PRORP: variants seen among roughly 807,000 people sequenced by gnomAD.
PRORP encodes the protein mitochondrial ribonuclease P catalytic subunit.
Under a neutral mutation model 59.4 loss-of-function variants are expected in PRORP, and 51 were observed. The ratio of observed to expected loss-of-function variants is 0.86; its 90% CI spans 0.69 to 1.08. PRORP has a LOEUF of 1.08. Among genes scored for constraint, PRORP ranks in the 50% least tolerant of loss-of-function variants. The pLI is 0.00. For missense variants in PRORP, 646 were observed against 690.3 expected (o/e 0.94, Z 0.72); for synonymous variants, 231 against 245.6 (o/e 0.94, Z 0.55).
chr14:35,168,165 T>C (rs1271148615), intron 4 of PRORP, among the ~76,000 whole-genome samples: 2 of 152,228 alleles, frequency 1.3e-5, no homozygotes, highest in East Asian at 3.8e-4. Flanking sequence ...GATAAATATA[T>C]GTTTAACTTT....
intron 5 of PRORP, among the ~76,000 whole-genome samples, chr14:35,259,996 T>TG (rs1416776584): frequency 3.6e-5 from 5 of 140,692 alleles, no homozygotes; most frequent in African/African-American, 1.4e-4. Context: ...TTTTCGGGTT[T>TG]TTTTTTTTTT....
upstream of PRORP, chr14:35,122,228 G>A (rs760036706): frequency 1.5e-5 from 7 of 470,078 alleles, no homozygotes; most frequent in Non-Finnish European, 2.4e-5. Context: ...TCACCAAGCC[G>A]GATTTTAAAG....
At chr14:35,269,621 C>T (rs1016433866) in intron 6 of PRORP, among the ~76,000 whole-genome samples, 3 of 152,158 alleles carry the variant, frequency 2.0e-5, no homozygotes, top group African/African-American at 4.8e-5. Flanking sequence ...TTCCATAAAC[C>T]GAATACATTT....
At chr14:35,265,033 C>T (rs541376912) in intron 5 of PRORP, among the ~76,000 whole-genome samples, 4 of 152,030 alleles carry the variant, frequency 2.6e-5, no homozygotes, top group Admixed American at 6.5e-5. Flanking sequence ...ATTCAGCCCT[C>T]GATAATTCAT....
At chr14:35,270,286 T>C in intron 6 of PRORP, 115 bp from the exon 7 acceptor site, 2 of 919,070 alleles carry the variant, frequency 2.2e-6, no homozygotes, top group Non-Finnish European at 3.4e-6. Flanking sequence ...TAGCATCATG[T>C]TGGTCAAGAA....
rs765109498 is a variant in PRORP, at chr14:35,123,480, T to G, written c.235T>G (p.Tyr79Asp). The change falls in exon 2 of 8, where the codon TAT (tyrosine) becomes GAT (aspartate). Residue 79 changes from tyrosine (Y) to aspartate (D), a missense_variant. Tyr to Asp is a radical substitution (Grantham distance 160). Coordinates refer to ENST00000534898, the MANE Select transcript of PRORP (RefSeq NM_014672.4). Reference protein sequence around the residue: ...RKDEGSNKQVYSVPHFFLAGA... With the variant: ...RKDEGSNKQVDSVPHFFLAGA... ...AGATGAGGGCAGTAATAAGCAAGTT[T>G]ATTCTGTTCCTCATTTTTTTTTAGC... 3 of 1,614,218 alleles carry G rather than the reference T, an allele frequency of 1.9e-6. No homozygotes were observed. The Admixed American group carries it at 5.0e-5, about 27-fold the overall frequency.
At chr14:35,215,253 C>G (rs999985172) in intron 5 of PRORP, among the ~76,000 whole-genome samples, 2 of 152,026 alleles carry the variant, frequency 1.3e-5, no homozygotes, top group African/African-American at 4.8e-5. Flanking sequence ...GCATTTCTTC[C>G]AAAAGAGGGT....
intron 3 of PRORP, among the ~76,000 whole-genome samples, chr14:35,127,132 C>T (rs2047117429): frequency 1.3e-5 from 2 of 152,130 alleles, no homozygotes; most frequent in South Asian, 2.1e-4. Flanking sequence ...TGGCTCACGC[C>T]TGTAATCCCA....
intron 5 of PRORP, among the ~76,000 whole-genome samples, chr14:35,207,841 C>T (rs1198475821): frequency 1.3e-5 from 2 of 152,216 alleles, no homozygotes; most frequent in Non-Finnish European, 2.9e-5. Context: ...ACAATTACCT[C>T]TTCTTACTGA....
At chr14:35,178,388 T>G (rs924034105) in intron 4 of PRORP, among the ~76,000 whole-genome samples, 8 of 152,242 alleles carry the variant, frequency 5.3e-5, no homozygotes, top group African/African-American at 1.9e-4. Flanking sequence ...AGTCTCTTTG[T>G]AAGTCTCTGA....
At chr14:35,171,813 T>C (rs1211718039) in intron 4 of PRORP, among the ~76,000 whole-genome samples, 1 of 152,202 alleles carries the variant, frequency 6.6e-6, no homozygotes, top group Non-Finnish European at 1.5e-5. Context: ...CACAGGTTAC[T>C]GAGACCCAAT....
intron 5 of PRORP, among the ~76,000 whole-genome samples, chr14:35,193,874 G>A (rs2048946127): frequency 6.6e-6 from 1 of 152,112 alleles, no homozygotes; most frequent in Non-Finnish European, 1.5e-5. Flanking sequence ...GGCTTTAGAG[G>A]TAGAATGTCT....
At chr14:35,125,645 A>G (rs1298493304) in intron 2 of PRORP, among the ~76,000 whole-genome samples, 1 of 152,112 alleles carries the variant, frequency 6.6e-6, no homozygotes, top group Non-Finnish European at 1.5e-5. Context: ...ATTATCTTAA[A>G]CTTACTGAAG....
At chr14:35,199,571 G>A (rs1352889677) in intron 5 of PRORP, among the ~76,000 whole-genome samples, 1 of 152,110 alleles carries the variant, frequency 6.6e-6, no homozygotes, top group Non-Finnish European at 1.5e-5. Context: ...CACTGTGTGA[G>A]GACACAGTGT....
intron 4 of PRORP, among the ~76,000 whole-genome samples, chr14:35,175,804 A>T (rs1201956783): frequency 6.6e-6 from 1 of 152,164 alleles, no homozygotes; most frequent in Non-Finnish European, 1.5e-5. Context: ...TTTAGACATG[A>T]AGTCCTTGCC....
intron 5 of PRORP, among the ~76,000 whole-genome samples, chr14:35,221,435 A>G (rs2049780139): frequency 6.6e-6 from 1 of 151,970 alleles, no homozygotes; most frequent in African/African-American, 2.4e-5. Context: ...CTTTCTTTAA[A>G]TTTTTCTATT....
intron 4 of PRORP, among the ~76,000 whole-genome samples, chr14:35,177,820 C>G (rs1401088611): frequency 1.3e-5 from 2 of 152,104 alleles, no homozygotes; most frequent in African/African-American, 2.4e-5. Flanking sequence ...TTCTCTAGTT[C>G]TTTTAATTGT....
At chr14:35,166,448 C>CT (rs55916577) in intron 4 of PRORP, among the ~76,000 whole-genome samples, 24 of 96,038 alleles carry the variant, frequency 2.5e-4, no homozygotes, top group African/African-American at 6.6e-4. Flanking sequence ...TTATCTGAAT[C>CT]TTTTTTTTTT....
At chr14:35,164,035 C>T (rs1459290733) in intron 4 of PRORP, among the ~76,000 whole-genome samples, 1 of 152,096 alleles carries the variant, frequency 6.6e-6, no homozygotes, top group African/African-American at 2.4e-5. Flanking sequence ...AATTCCTTTC[C>T]CCATTGCTTG....
Sources: gnomAD v4.1 joint callset for allele counts (sites outside exome capture counted in the v4.1 genomes callset) on GRCh38, gnomAD v4.1.1 for gene constraint, MANE v1.5 for transcripts, NCBI Gene and HGNC (gene_info 2026-07-23, HGNC 2026-07-21) for gene names.